Variants in DHRSX observed in about 807,000 individuals in gnomAD.
DHRSX encodes the protein dehydrogenase/reductase X-linked.
In DHRSX, 31 loss-of-function variants were observed where a neutral mutation model predicts 34.0. The ratio of observed to expected loss-of-function variants is 0.91; its 90% CI spans 0.69 to 1.23. The LOEUF (loss-of-function observed/expected upper bound fraction) is 1.23. Among genes scored for constraint, DHRSX ranks in the 50% most tolerant of loss-of-function variants. DHRSX has a pLI of 0.00. For missense variants in DHRSX, 414 were observed against 428.1 expected (o/e 0.97, Z 0.29); for synonymous variants, 201 against 183.8 (o/e 1.09, Z -0.76).
intron 3 of DHRSX, among the ~76,000 whole-genome samples, chrX:2,396,024 C>T (rs184789856): frequency 2.0e-4 from 30 of 152,236 alleles, no homozygotes; most frequent in Non-Finnish European, 3.8e-4. Context: ...ACCATGCTCC[C>T]TCCGGGGGCT....
rs186747946 is a variant in DHRSX at position 2,415,300 on chromosome X, G to A, written c.218-6487C>T. On this transcript the variant is annotated intron_variant, in intron 2 of 6. Transcript: ENST00000334651. Reference sequence around the variant, plus strand: ...ACAACTAGATTTCATTATGACCACCGCATCTGGACCTCATCATAACCTAAC... The same window carrying A: ...ACAACTAGATTTCATTATGACCACCACATCTGGACCTCATCATAACCTAAC... Among the ~76,000 whole-genome samples, 508 of 148,512 alleles carry A rather than the reference G, an allele frequency of 3.4e-3. 2 individuals carry two copies. The highest frequency in any genetic ancestry group is 7.3e-3 in the Middle Eastern group (2 of 274).
chrX:2,464,302 G>A (rs188667601), intron 1 of DHRSX, among the ~76,000 whole-genome samples: 1 of 124,168 alleles, frequency 8.1e-6, no homozygotes, highest in Non-Finnish European at 1.7e-5. Context: ...TTAAGGGACC[G>A]CTGCCATGTA....
chrX:2,488,669 CCG>C, intron 1 of DHRSX: 1 of 1,610,916 alleles, frequency 6.2e-7, no homozygotes, highest in Non-Finnish European at 8.5e-7. Flanking sequence ...GCCAAAGAAA[CCG>C]CCGCTGACGC....
chrX:2,262,354 C>T (rs188853048), intron 5 of DHRSX, among the ~76,000 whole-genome samples: 15 of 152,322 alleles, frequency 9.8e-5, no homozygotes, highest in East Asian at 5.8e-4. Flanking sequence ...CACACTGGCA[C>T]GCACATGACT....
chrX:2,355,586 T>C (rs141161158), intron 3 of DHRSX, among the ~76,000 whole-genome samples: 8,819 of 149,186 alleles, frequency 0.059, 407 homozygotes, highest in East Asian at 0.22. Context: ...CAATTACTTT[T>C]GCACCAACCT....
chrX:2,225,073 TCA>T (rs944216365), intron 6 of DHRSX, among the ~76,000 whole-genome samples: 186 of 144,306 alleles, frequency 1.3e-3, no homozygotes, highest in African/African-American at 1.9e-3. Flanking sequence ...TCACATGCAC[TCA>T]CATGCTCACT....
intron 1 of DHRSX, among the ~76,000 whole-genome samples, chrX:2,450,438 G>C (rs1303852099): frequency 6.6e-6 from 1 of 152,004 alleles, no homozygotes; most frequent in Non-Finnish European, 1.5e-5. Context: ...CTCCAGGCTT[G>C]GCAACAAGAG....
intron 4 of DHRSX, among the ~76,000 whole-genome samples, chrX:2,282,812 A>AG (rs1373643208): frequency 1.6e-4 from 13 of 83,112 alleles, no homozygotes; most frequent in Non-Finnish European, 3.0e-4. Context: ...AGAAGAGAGA[A>AG]AGAGAGAGAG....
chrX:2,445,763 C>T (rs2044123664), intron 1 of DHRSX, among the ~76,000 whole-genome samples: 2 of 151,702 alleles, frequency 1.3e-5, no homozygotes, highest in Non-Finnish European at 2.9e-5. Flanking sequence ...TGAAAACATT[C>T]CCTAAGAATG....
intron 1 of DHRSX, among the ~76,000 whole-genome samples, chrX:2,433,211 A>T (rs1159339948): frequency 6.6e-6 from 1 of 152,188 alleles, no homozygotes; most frequent in African/African-American, 2.4e-5. Flanking sequence ...CTTCCATCAG[A>T]AATATTAACA....
chrX:2,226,549 C>A (rs2015665684), intron 6 of DHRSX, among the ~76,000 whole-genome samples: 1 of 152,150 alleles, frequency 6.6e-6, no homozygotes, highest in Non-Finnish European at 1.5e-5. Flanking sequence ...GCCTGTCACC[C>A]CAGCACTTTG....
chrX:2,392,613 A>G (rs1227361880), intron 3 of DHRSX: 1 of 158,028 alleles, frequency 6.3e-6, no homozygotes, highest in Non-Finnish European at 1.3e-5. Flanking sequence ...TATGCTTATT[A>G]TATATTATAT....
intron 3 of DHRSX, among the ~76,000 whole-genome samples, chrX:2,404,734 C>T (rs781378051): frequency 6.6e-6 from 1 of 152,218 alleles, no homozygotes; most frequent in East Asian, 1.9e-4. Context: ...CTACACAGAG[C>T]TCCCCCCGCC....
At chrX:2,343,138 A>T (rs1372128040) in intron 3 of DHRSX, among the ~76,000 whole-genome samples, 1 of 152,178 alleles carries the variant, frequency 6.6e-6, no homozygotes, top group Non-Finnish European at 1.5e-5. Context: ...CTGACCAGAG[A>T]TATTCAACCC....
At chrX:2,314,446 G>C (rs1411371764) in intron 3 of DHRSX, among the ~76,000 whole-genome samples, 1 of 114,240 alleles carries the variant, frequency 8.8e-6, no homozygotes, top group African/African-American at 5.8e-5. Flanking sequence ...AGGAAGGAAG[G>C]GGAGAAGGGA....
intron 1 of DHRSX, among the ~76,000 whole-genome samples, chrX:2,493,471 CATT>C (rs762176172): frequency 4.0e-5 from 6 of 150,616 alleles, no homozygotes; most frequent in Non-Finnish European, 5.9e-5. Flanking sequence ...TTATTATTAT[CATT>C]ATTATTATTA....
intron 5 of DHRSX, among the ~76,000 whole-genome samples, chrX:2,264,348 CAG>C (rs2041408521): frequency 6.6e-6 from 1 of 151,580 alleles, no homozygotes; most frequent in Non-Finnish European, 1.5e-5. Context: ...CCAGCAGACT[CAG>C]GGAGCACTGT....
At chrX:2,305,573 A>C (rs895772498) in intron 3 of DHRSX, among the ~76,000 whole-genome samples, 49 of 152,146 alleles carry the variant, frequency 3.2e-4, no homozygotes, top group Non-Finnish European at 6.6e-4. Flanking sequence ...CACAATATTA[A>C]AGACTTGGAA....
chrX:2,490,891 C>A, intron 1 of DHRSX: 1 of 872,254 alleles, frequency 1.1e-6, no homozygotes, highest in Non-Finnish European at 1.8e-6. Flanking sequence ...GCACTGGGGC[C>A]GGACGGCTGG....
Sources: gnomAD v4.1 joint callset for allele counts (sites outside exome capture counted in the v4.1 genomes callset) on GRCh38, gnomAD v4.1.1 for gene constraint, MANE v1.5 for transcripts, NCBI Gene and HGNC (gene_info 2026-07-23, HGNC 2026-07-21) for gene names.